ZFP1: variants seen among roughly 807,000 people sequenced by gnomAD.
The protein encoded by ZFP1 is zinc finger protein 1 homolog.
ZFP1 carries 32 observed loss-of-function variants against 38.5 expected under a neutral mutation model. The ratio of observed to expected loss-of-function variants is 0.83; its 90% CI spans 0.63 to 1.12. The LOEUF (loss-of-function observed/expected upper bound fraction) is 1.12. Among genes scored for constraint, ZFP1 ranks in the 50% most tolerant of loss-of-function variants. ZFP1 has a pLI of 0.00. For synonymous variants in ZFP1, 245 were observed against 168.8 expected (o/e 1.45, Z -3.50); for missense variants, 616 against 480.8 (o/e 1.28, Z -2.63).
chr16:75,122,649 C>T, the ZFP1 span, among the ~76,000 whole-genome samples: 1 of 152,226 alleles, frequency 6.6e-6, no homozygotes, highest in African/African-American at 2.4e-5. Context: ...AAAATAGCTA[C>T]ATCTTAAATT....
chr16:75,122,172 A>G, the ZFP1 span, among the ~76,000 whole-genome samples: 1 of 152,350 alleles, frequency 6.6e-6, no homozygotes, highest in South Asian at 2.1e-4. Flanking sequence ...GCACACTTGG[A>G]CAGGGGAGGG....
At chr16:75,136,467 G>A in the ZFP1 span, among the ~76,000 whole-genome samples, 1 of 152,188 alleles carries the variant, frequency 6.6e-6, no homozygotes, top group Non-Finnish European at 1.5e-5. Context: ...TTACAGTTCA[G>A]TGAGAAAGGA....
chr16:75,141,647 G>A, the ZFP1 span, among the ~76,000 whole-genome samples: 1 of 152,032 alleles, frequency 6.6e-6, no homozygotes, highest in African/African-American at 2.4e-5. Flanking sequence ...TGCTTTGAGA[G>A]GCCAAGGTTT....
At chr16:75,156,735 A>C (rs2037488486) in intron 2 of ZFP1, among the ~76,000 whole-genome samples, 1 of 152,208 alleles carries the variant, frequency 6.6e-6, no homozygotes, top group African/African-American at 2.4e-5. Context: ...ATCTTGGTTC[A>C]CTGGTGAATA....
the ZFP1 span, among the ~76,000 whole-genome samples, chr16:75,126,911 C>T: frequency 1.3e-5 from 2 of 152,120 alleles, no homozygotes; most frequent in African/African-American, 4.8e-5. Context: ...ATACAGGAAG[C>T]ATTGTCAAAT....
chr16:75,131,627 A>G, the ZFP1 span, among the ~76,000 whole-genome samples: 1 of 152,036 alleles, frequency 6.6e-6, no homozygotes, highest in African/African-American at 2.4e-5. Flanking sequence ...GAATGAGTTT[A>G]TATGTCCACC....
chr16:75,123,134 A>C, the ZFP1 span, among the ~76,000 whole-genome samples: 1 of 151,942 alleles, frequency 6.6e-6, no homozygotes, highest in South Asian at 2.1e-4. Flanking sequence ...CGAGTGGATC[A>C]CGTGAGGTCA....
chr16:75,141,007 C>G, the ZFP1 span, among the ~76,000 whole-genome samples: 1 of 152,076 alleles, frequency 6.6e-6, no homozygotes, highest in Admixed American at 6.6e-5. Context: ...CATTCAGAAC[C>G]TCACAAAAAT....
At chr16:75,163,137 G>A (rs566488107) in intron 2 of ZFP1, among the ~76,000 whole-genome samples, 1 of 151,808 alleles carries the variant, frequency 6.6e-6, no homozygotes, top group East Asian at 2.0e-4. Flanking sequence ...TCGAACTCCT[G>A]ACCTCGTGAT....
chr16:75,159,254 C>T (rs983745866), intron 2 of ZFP1, among the ~76,000 whole-genome samples: 2 of 149,362 alleles, frequency 1.3e-5, no homozygotes, highest in Non-Finnish European at 1.5e-5. Context: ...CTTCCCTTCC[C>T]TTCCTTTCCC....
rs760058833 is a variant in ZFP1, at chr16:75,166,763, A to AT, written c.16-4dup. The AT allele has an allele frequency of 3.1e-6, 5 of 1,614,190 alleles. No homozygotes were observed. The South Asian group carries it at 4.4e-5, about 14-fold the overall frequency. On this transcript the variant is annotated splice_region_variant and splice_polypyrimidine_tract_variant and intron_variant, in intron 2 of 3. Transcript: ENST00000570010. ...ATCTTAGGATGAATAACAATATGCC[A>AT]TTTCAGGGATCAGTTTCATTCACGG...
At chr16:75,152,282 A>G (rs1418730452) in intron 1 of ZFP1, among the ~76,000 whole-genome samples, 3 of 152,116 alleles carry the variant, frequency 2.0e-5, no homozygotes, top group Non-Finnish European at 2.9e-5. Context: ...CTTGTCCATT[A>G]TGTCTTCAAA....
chr16:75,166,360 C>T (rs1289943457), intron 2 of ZFP1, among the ~76,000 whole-genome samples: 1 of 152,170 alleles, frequency 6.6e-6, no homozygotes, highest in Non-Finnish European at 1.5e-5. Flanking sequence ...AGCTCCCCCA[C>T]GTAGCTGGGA....
the ZFP1 span, among the ~76,000 whole-genome samples, chr16:75,142,501 T>C: frequency 6.6e-6 from 1 of 152,204 alleles, no homozygotes; most frequent in Admixed American, 6.6e-5. Context: ...TAATCTACTG[T>C]TGTCACTCAC....
the ZFP1 span, among the ~76,000 whole-genome samples, chr16:75,127,076 A>G: frequency 1.3e-5 from 2 of 152,256 alleles, no homozygotes; most frequent in African/African-American, 4.8e-5. Context: ...TGTGTGCTGC[A>G]GAAGTAACAA....
At position 75,152,965 on chromosome 16, in the gene ZFP1, A is replaced by G. The variant is rs753085960; in HGVS notation, c.14A>G (p.Gln5Arg). The stretch of plus-strand genomic sequence containing the variant: ...AAACTGCAGAAAATGAACAAATCCC[A>G]GGTGAGTTGTTTGTTTATTCCCCAT... MNKSQGSVSFTDVTV... is the reference protein window; with the variant it reads MNKSRGSVSFTDVTV... Residue 5 changes from glutamine to arginine, a missense_variant and splice_region_variant, in exon 2 of 4, where the codon CAG (glutamine) becomes CGG (arginine). Coordinates refer to ENST00000570010, the MANE Select transcript of ZFP1 (RefSeq NM_153688.4). 1.9e-6 allele frequency: 3 copies of G among 1,613,838 alleles called. No homozygotes were observed. The highest frequency in any genetic ancestry group is 3.3e-5 in the Admixed American group (2 of 59,960).
intron 1 of ZFP1, among the ~76,000 whole-genome samples, chr16:75,150,269 C>G (rs570491185): frequency 1.4e-5 from 2 of 147,354 alleles, no homozygotes; most frequent in South Asian, 2.1e-4. Context: ...AGTGCAGTAG[C>G]GAGATCTCGG....
At chr16:75,139,375 A>C in the ZFP1 span, among the ~76,000 whole-genome samples, 430 of 134,920 alleles carry the variant, frequency 3.2e-3, 10 homozygotes, top group African/African-American at 0.015. Flanking sequence ...TCTCAAAAAA[A>C]AAAAAAAAAA....
chr16:75,152,785 G>T, intron 1 of ZFP1, 124 bp from the exon 2 acceptor site: 1 of 804,174 alleles, frequency 1.2e-6, no homozygotes, highest in South Asian at 1.9e-5. Flanking sequence ...AAGAGGCAAA[G>T]GGACTTTCCC....
Sources: gnomAD v4.1 joint callset for allele counts (sites outside exome capture counted in the v4.1 genomes callset) on GRCh38, gnomAD v4.1.1 for gene constraint, MANE v1.5 for transcripts, NCBI Gene and HGNC (gene_info 2026-07-23, HGNC 2026-07-21) for gene names.